PDE7B: variants seen among roughly 807,000 people sequenced by gnomAD.
PDE7B encodes the protein phosphodiesterase 7B, also known as 3',5'-cyclic-AMP phosphodiesterase 7B.
Under a neutral mutation model 56.2 loss-of-function variants are expected in PDE7B, and 29 were observed. The observed-to-expected ratio is 0.52, with a 90% confidence interval of 0.38 to 0.70. PDE7B has a LOEUF of 0.70. PDE7B is among the 30% of genes least tolerant of loss of function. The pLI, the probability that PDE7B is intolerant of heterozygous loss-of-function variation, is 0.00. For missense variants in PDE7B, 490 were observed against 565.0 expected (o/e 0.87, Z 1.35); for synonymous variants, 197 against 196.9 (o/e 1.00, Z 0.00).
At chr6:136,097,775 G>A (rs1777491824) in intron 2 of PDE7B, among the ~76,000 whole-genome samples, 1 of 151,912 alleles carries the variant, frequency 6.6e-6, no homozygotes, top group Non-Finnish European at 1.5e-5. Context: ...ATTTTGCACC[G>A]TGTCTCATCC....
At chr6:135,916,392 C>CTTT (rs566408380) in intron 1 of PDE7B, among the ~76,000 whole-genome samples, 3,365 of 96,322 alleles carry the variant, frequency 0.035, 365 homozygotes, top group African/African-American at 0.12. Flanking sequence ...TCTTTTCTTT[C>CTTT]TTTTTTTTTT....
intron 2 of PDE7B, among the ~76,000 whole-genome samples, chr6:136,042,237 G>T (rs1776425573): frequency 6.6e-6 from 1 of 152,202 alleles, no homozygotes; most frequent in Non-Finnish European, 1.5e-5. Context: ...CCCATGTGGG[G>T]AGTGGGGAGA....
In PDE7B at chr6:136,178,071, G is replaced by A. The variant is rs530650509; in HGVS notation, c.804-926G>A. 1.5e-3 allele frequency among the ~76,000 whole-genome samples: 227 copies of A among 152,266 alleles called. 1 individual carries two copies. The highest frequency in any genetic ancestry group is 2.6e-3 in the Non-Finnish European group (177 of 68,024). On this transcript the variant is annotated intron_variant, in intron 9 of 12. Coordinates refer to ENST00000308191, the MANE Select transcript of PDE7B (RefSeq NM_018945.4). ...GTTCAAAAGCAGTTAAAATTAAGTT[G>A]CGTGGTTTATAGATGCACTCACAGG...
intron 2 of PDE7B, among the ~76,000 whole-genome samples, chr6:136,030,018 AAC>A (rs1403943938): frequency 6.6e-6 from 1 of 152,182 alleles, no homozygotes; most frequent in African/African-American, 2.4e-5. Flanking sequence ...GAAATAATAA[AAC>A]ACTCTGTATA....
rs1472132012 is a variant in PDE7B, at chr6:136,192,045, G to A, written c.*205G>A. On this transcript the variant is annotated 3_prime_UTR_variant, in exon 13 of 13. Coordinates refer to ENST00000308191, the MANE Select transcript of PDE7B (RefSeq NM_018945.4). ...ATTTGTCACCTCAGCATTCGCTGCCGAAATGAGCAACTCCATTCAGTAACG... is the reference window on the plus strand; with the variant it reads ...ATTTGTCACCTCAGCATTCGCTGCCAAAATGAGCAACTCCATTCAGTAACG... The A allele has an allele frequency of 1.7e-5, 10 of 582,948 alleles. No homozygotes were observed. Among genetic ancestry groups the A allele is most frequent in the South Asian group, 4.0e-5 (2 of 50,128 alleles). 36.1% of individuals were successfully genotyped at this position (582,948 alleles called of 1,614,324 possible).
At chr6:135,898,306 T>C (rs192015934) in intron 1 of PDE7B, among the ~76,000 whole-genome samples, 44 of 152,326 alleles carry the variant, frequency 2.9e-4, no homozygotes, top group Admixed American at 2.6e-3. Flanking sequence ...AACTAGTTGA[T>C]GAAGTAATAA....
At chr6:135,934,151 G>A (rs546203380) in intron 1 of PDE7B, among the ~76,000 whole-genome samples, 1 of 152,206 alleles carries the variant, frequency 6.6e-6, no homozygotes, top group Non-Finnish European at 1.5e-5. Context: ...CCTACAGAGG[G>A]TCTTGAAGCA....
intron 1 of PDE7B, among the ~76,000 whole-genome samples, chr6:135,931,300 A>G (rs973863224): frequency 1.3e-5 from 2 of 152,332 alleles, no homozygotes; most frequent in South Asian, 4.1e-4. Flanking sequence ...CTGTAAAATA[A>G]TATTCTTTGA....
intron 8 of PDE7B, 152 bp from the exon 9 acceptor site, chr6:136,173,645 T>C (rs1019213068): frequency 3.1e-5 from 19 of 606,470 alleles, no homozygotes; most frequent in African/African-American, 3.0e-4. Flanking sequence ...TCATGGTTGT[T>C]TTATCTTTTG....
Position 136,193,956 on chromosome 6 carries a change from A to G in PDE7B, c.*2116A>G, listed in dbSNP as rs1779272370. The G allele has an allele frequency of 6.6e-6, 1 of 152,222 alleles. No individual in the cohort carries two copies. Among genetic ancestry groups the G allele is most frequent in the Admixed American group, 6.5e-5 (1 of 15,284 alleles). 9.4% of individuals were successfully genotyped at this position (152,222 alleles called of 1,614,324 possible). The stretch of plus-strand genomic sequence containing the variant: ...ATGTGGGTAAGAAGGGAGGTTGTGG[A>G]AAGTTAACACTAGCTTTGTATTTTT... On this transcript the variant is annotated 3_prime_UTR_variant, in exon 13 of 13. Coordinates refer to ENST00000308191, the MANE Select transcript of PDE7B (RefSeq NM_018945.4).
chr6:135,999,678 G>C (rs189526309), intron 2 of PDE7B, among the ~76,000 whole-genome samples: 6 of 151,718 alleles, frequency 4.0e-5, no homozygotes, highest in Admixed American at 1.3e-4. Flanking sequence ...AGGCATTTAG[G>C]TTTATTCCAT....
chr6:136,113,023 A>G (rs767916722), intron 3 of PDE7B, among the ~76,000 whole-genome samples: 3 of 152,216 alleles, frequency 2.0e-5, no homozygotes, highest in Admixed American at 6.5e-5. Flanking sequence ...TTCCCAAAAA[A>G]GAGTATTTAA....
At chr6:135,875,072 A>G (rs778247206) in intron 1 of PDE7B, among the ~76,000 whole-genome samples, 18 of 152,008 alleles carry the variant, frequency 1.2e-4, no homozygotes, top group Non-Finnish European at 2.5e-4. Flanking sequence ...AGTTTTCCTG[A>G]TAGATCTTTT....
intron 11 of PDE7B, among the ~76,000 whole-genome samples, chr6:136,181,598 C>G (rs1779068479): frequency 6.6e-6 from 1 of 152,130 alleles, no homozygotes; most frequent in South Asian, 2.1e-4. Context: ...ATAAATGGCT[C>G]TCCTCTGTGG....
intron 8 of PDE7B, among the ~76,000 whole-genome samples, chr6:136,170,981 T>C (rs973174241): frequency 3.9e-5 from 6 of 152,184 alleles, no homozygotes; most frequent in Non-Finnish European, 8.8e-5. Context: ...ATAGCAACTA[T>C]CCTTTTATAT....
At chr6:136,062,775 G>T (rs986365974) in intron 2 of PDE7B, among the ~76,000 whole-genome samples, 1 of 152,064 alleles carries the variant, frequency 6.6e-6, no homozygotes, top group African/African-American at 2.4e-5. Context: ...AGACCAAATT[G>T]CTCTCTGGAG....
chr6:136,093,047 G>A lies in PDE7B; in HGVS notation c.83-15684G>A, dbSNP rs563492692. On this transcript the variant is annotated intron_variant, in intron 2 of 12. Transcript: ENST00000308191. ...TATACATTCATCAAAACATCATGTC[G>A]TATACCATAAACAGATATAATTTTC... is the stretch of plus-strand genomic sequence containing the variant. Among the ~76,000 whole-genome samples, 10 of 152,238 alleles carry A rather than the reference G, an allele frequency of 6.6e-5. No individual in the cohort carries two copies. In the South Asian group the frequency reaches 8.3e-4, roughly 13 times the overall value.
At chr6:135,916,838 GTATAA>G (rs1394915225) in intron 1 of PDE7B, among the ~76,000 whole-genome samples, 1 of 151,880 alleles carries the variant, frequency 6.6e-6, no homozygotes, top group African/African-American at 2.4e-5. Context: ...CTTGAGAGAA[GTATAA>G]TATATCTTCA....
At chr6:136,065,683 T>C (rs1212023989) in intron 2 of PDE7B, among the ~76,000 whole-genome samples, 1 of 152,188 alleles carries the variant, frequency 6.6e-6, no homozygotes, top group African/African-American at 2.4e-5. Flanking sequence ...CGTATATCAA[T>C]TAATATTAAA....
Sources: gnomAD v4.1 joint callset for allele counts (sites outside exome capture counted in the v4.1 genomes callset) on GRCh38, gnomAD v4.1.1 for gene constraint, MANE v1.5 for transcripts, NCBI Gene and HGNC (gene_info 2026-07-23, HGNC 2026-07-21) for gene names.